Variants in ATXN1 observed in about 807,000 individuals in gnomAD.
ATXN1 encodes ataxin-1.
ATXN1 carries 8 observed loss-of-function variants against 56.4 expected under a neutral mutation model. The observed-to-expected ratio is 0.14, with a 90% confidence interval of 0.08 to 0.26. ATXN1 has a LOEUF of 0.26. ATXN1 is among the 10% of genes least tolerant of loss of function. ATXN1 has a pLI of 1.00. For missense variants in ATXN1, 987 were observed against 1,106.5 expected (o/e 0.89, Z 1.53); for synonymous variants, 514 against 494.6 (o/e 1.04, Z -0.52).
chr6:16,342,823 C>G (rs1761284868), intron 6 of ATXN1, among the ~76,000 whole-genome samples: 1 of 152,078 alleles, frequency 6.6e-6, no homozygotes, highest in Non-Finnish European at 1.5e-5. Flanking sequence ...CTAGAATAGT[C>G]AAATTTGGAG....
intron 4 of ATXN1, among the ~76,000 whole-genome samples, chr6:16,543,632 T>TAA (rs566914364): frequency 0.18 from 18,906 of 106,186 alleles, 3,455 homozygotes; most frequent in African/African-American, 0.46. Flanking sequence ...GCTATTTTCC[T>TAA]AAAAAAAAAA....
At chr6:16,526,065 A>G (rs1761387975) in intron 4 of ATXN1, among the ~76,000 whole-genome samples, 1 of 56,404 alleles carries the variant, frequency 1.8e-5, no homozygotes, top group African/African-American at 9.3e-5. Flanking sequence ...ATATATATAT[A>G]CATACATACA....
chr6:16,417,108 T>C (rs1758924772), intron 6 of ATXN1, among the ~76,000 whole-genome samples: 1 of 152,224 alleles, frequency 6.6e-6, no homozygotes. Flanking sequence ...CATAGATCAC[T>C]GCAGCCTTGA....
chr6:16,625,343 T>C (rs1246074172), intron 3 of ATXN1, among the ~76,000 whole-genome samples: 1 of 152,164 alleles, frequency 6.6e-6, no homozygotes, highest in African/African-American at 2.4e-5. Context: ...CTGTATATGA[T>C]TTTTCCATCA....
At chr6:16,516,837 A>G (rs1221479135) in intron 5 of ATXN1, among the ~76,000 whole-genome samples, 1 of 152,168 alleles carries the variant, frequency 6.6e-6, no homozygotes, top group African/African-American at 2.4e-5. Flanking sequence ...ACTTAATGAG[A>G]CAAGAGCCTC....
At chr6:16,757,054 T>C (rs1760907335) in intron 1 of ATXN1, among the ~76,000 whole-genome samples, 1 of 152,246 alleles carries the variant, frequency 6.6e-6, no homozygotes, top group South Asian at 2.1e-4. Flanking sequence ...ATTTCAATAA[T>C]CTCAGCACTG....
At position 16,760,785 on chromosome 6, in the gene ATXN1, C is replaced by T. The variant is rs1455646063; in HGVS notation, c.-730+513G>A. Among the ~76,000 whole-genome samples, 1 of 151,236 alleles carries T rather than the reference C, an allele frequency of 6.6e-6. No individual in the cohort carries two copies. The highest frequency in any genetic ancestry group is 1.5e-5 in the Non-Finnish European group (1 of 67,666). On this transcript the variant is annotated intron_variant, in intron 1 of 7. Coordinates refer to ENST00000436367, the MANE Select transcript of ATXN1 (RefSeq NM_001128164.2). This position sits in a 1 kb window ranked among gnomAD's most constrained non-coding sequence, Gnocchi z 5.3. ...CCGGGGAGGAGGAATGGGAAGAGGG[C>T]GGCCGGGAAAGGGACCACCCCCCAA...
At chr6:16,338,618 C>T (rs557010728) in intron 6 of ATXN1, among the ~76,000 whole-genome samples, 1 of 152,320 alleles carries the variant, frequency 6.6e-6, no homozygotes, top group Admixed American at 6.5e-5. Flanking sequence ...TTAACATGCA[C>T]AGTGCCTAGT....
chr6:16,658,558 G>A (rs1407505551), intron 2 of ATXN1, among the ~76,000 whole-genome samples: 1 of 152,190 alleles, frequency 6.6e-6, no homozygotes, highest in Non-Finnish European at 1.5e-5. Flanking sequence ...CCCACTCAGA[G>A]CAGCTGATAA....
chr6:16,403,885 T>C (rs1392716088), intron 6 of ATXN1, among the ~76,000 whole-genome samples: 8 of 151,596 alleles, frequency 5.3e-5, no homozygotes, highest in African/African-American at 1.5e-4. Context: ...CTCCCTGCTA[T>C]GGTTAAAAGA....
At chr6:16,555,806 T>C (rs1242075109) in intron 4 of ATXN1, among the ~76,000 whole-genome samples, 2 of 152,216 alleles carry the variant, frequency 1.3e-5, no homozygotes, top group Non-Finnish European at 1.5e-5. Context: ...ACACTAACTC[T>C]GTATGTTAGA....
chr6:16,697,861 A>G (rs1370929471), intron 2 of ATXN1, among the ~76,000 whole-genome samples: 1 of 152,214 alleles, frequency 6.6e-6, no homozygotes, highest in Non-Finnish European at 1.5e-5. Context: ...TGGGACATGG[A>G]TACTGTTTTC....
At chr6:16,656,753 A>C (rs1020929792) in intron 3 of ATXN1, among the ~76,000 whole-genome samples, 16 of 152,288 alleles carry the variant, frequency 1.1e-4, no homozygotes, top group Admixed American at 5.2e-4. Context: ...ATGCATTGTT[A>C]GGTGACTTTG....
chr6:16,689,631 A>G (rs999272262), intron 2 of ATXN1, among the ~76,000 whole-genome samples: 1 of 147,674 alleles, frequency 6.8e-6, no homozygotes, highest in Non-Finnish European at 1.5e-5. Flanking sequence ...TTTTTAATTG[A>G]CAAATAATAA....
intron 4 of ATXN1, among the ~76,000 whole-genome samples, chr6:16,561,011 G>A (rs1368218005): frequency 1.3e-5 from 2 of 152,198 alleles, no homozygotes; most frequent in African/African-American, 4.8e-5. Context: ...GACAATGGGA[G>A]TGAGTAATTA....
At chr6:16,689,771 C>A (rs77863051) in intron 2 of ATXN1, among the ~76,000 whole-genome samples, 1 of 151,934 alleles carries the variant, frequency 6.6e-6, no homozygotes, top group Non-Finnish European at 1.5e-5. Flanking sequence ...CATTTAAAAA[C>A]GTATTCTTTT....
chr6:16,468,003 C>T (rs567022972), intron 6 of ATXN1, among the ~76,000 whole-genome samples: 11 of 151,978 alleles, frequency 7.2e-5, no homozygotes, highest in Non-Finnish European at 1.6e-4. Flanking sequence ...AACTTGTTTA[C>T]CTATTAAATA....
At chr6:16,365,316 G>T (rs924662302) in intron 6 of ATXN1, among the ~76,000 whole-genome samples, 1 of 152,048 alleles carries the variant, frequency 6.6e-6, no homozygotes, top group Non-Finnish European at 1.5e-5. Flanking sequence ...AGCTGGGACT[G>T]CAGGCACGCA....
At chr6:16,314,866 C>A (rs1431370504) in intron 7 of ATXN1, among the ~76,000 whole-genome samples, 3 of 152,142 alleles carry the variant, frequency 2.0e-5, no homozygotes, top group African/African-American at 2.4e-5. Context: ...CTGCCTTGGC[C>A]TCCTAAAGTG....
Sources: allele counts gnomAD v4.1 joint callset (sites outside exome capture counted in the v4.1 genomes callset), GRCh38; gene constraint gnomAD v4.1.1; non-coding constraint Gnocchi (gnomAD v3.1); transcripts MANE v1.5; gene names NCBI Gene and HGNC (gene_info 2026-07-23, HGNC 2026-07-21).